The following AGBL4 variants were observed in gnomAD, a reference collection of about 807,000 sequenced individuals.
AGBL4 encodes cytosolic carboxypeptidase 6.
AGBL4 carries 58 observed loss-of-function variants against 66.4 expected under a neutral mutation model. The ratio of observed to expected loss-of-function variants is 0.87; its 90% CI spans 0.71 to 1.09. AGBL4 has a LOEUF of 1.09. AGBL4 is among the 50% of genes least tolerant of loss of function. AGBL4 has a pLI of 0.00. For missense variants in AGBL4, 579 were observed against 631.0 expected, an observed-to-expected ratio of 0.92 and a Z score of 0.88; for synonymous variants, 234 against 222.9, an observed-to-expected ratio of 1.05 and a Z score of -0.44.
intron 4 of AGBL4, among the ~76,000 whole-genome samples, chr1:49,134,682 T>C (rs918420374): frequency 3.9e-5 from 6 of 151,920 alleles, no homozygotes; most frequent in Non-Finnish European, 2.9e-5. Flanking sequence ...CTGTTCTTTT[T>C]TGAAGGTGCC....
intron 2 of AGBL4, among the ~76,000 whole-genome samples, chr1:49,784,584 G>A (rs1347287175): frequency 6.6e-6 from 1 of 151,828 alleles, no homozygotes; most frequent in African/African-American, 2.4e-5. Flanking sequence ...TCATGATCTC[G>A]GATCAGGCAA....
chr1:48,834,600 C>T (rs767660828), intron 6 of AGBL4, among the ~76,000 whole-genome samples: 16 of 152,076 alleles, frequency 1.1e-4, no homozygotes, highest in Non-Finnish European at 2.2e-4. Context: ...ACTGAGGACA[C>T]AGCAAGAAGG....
downstream of AGBL4, among the ~76,000 whole-genome samples, chr1:48,530,020 C>A (rs1165342069): frequency 1.3e-5 from 2 of 151,750 alleles, no homozygotes; most frequent in African/African-American, 4.9e-5. Flanking sequence ...TGCTTCCTTC[C>A]CCTCTCCCTA....
At chr1:49,067,079 G>A (rs963521033) in intron 4 of AGBL4, among the ~76,000 whole-genome samples, 5 of 152,056 alleles carry the variant, frequency 3.3e-5, no homozygotes, top group South Asian at 2.1e-4. Flanking sequence ...TCCTGACCAC[G>A]GTAAGAAGTA....
intron 3 of AGBL4, among the ~76,000 whole-genome samples, chr1:49,575,218 G>C (rs1271126882): frequency 2.6e-5 from 4 of 152,178 alleles, no homozygotes; most frequent in Admixed American, 2.6e-4. Flanking sequence ...TCATCCTCCA[G>C]TTAAAGTAGG....
chr1:49,741,105 C>G (rs1459877711), intron 2 of AGBL4, among the ~76,000 whole-genome samples: 1 of 151,814 alleles, frequency 6.6e-6, no homozygotes, highest in Non-Finnish European at 1.5e-5. Flanking sequence ...AATCAATGAA[C>G]CCAGGAGATG....
At chr1:49,911,326 T>C (rs1187288311) in intron 1 of AGBL4, among the ~76,000 whole-genome samples, 1 of 152,196 alleles carries the variant, frequency 6.6e-6, no homozygotes, top group Non-Finnish European at 1.5e-5. Context: ...GGAAATCTTG[T>C]GAGAAGCACA....
chr1:48,602,859 C>T (rs970062814), intron 9 of AGBL4, among the ~76,000 whole-genome samples: 2 of 152,150 alleles, frequency 1.3e-5, no homozygotes, highest in African/African-American at 4.8e-5. Flanking sequence ...CTTCTGTTCC[C>T]CCTTTCCCAC....
At chr1:48,716,108 CTAAT>C (rs1157179184) in intron 6 of AGBL4, among the ~76,000 whole-genome samples, 2 of 152,176 alleles carry the variant, frequency 1.3e-5, no homozygotes, top group East Asian at 3.8e-4. Context: ...AAAGCAAACT[CTAAT>C]TAGAGACTAC....
chr1:49,337,295 C>A (rs1483625352), intron 3 of AGBL4, among the ~76,000 whole-genome samples: 4 of 152,142 alleles, frequency 2.6e-5, no homozygotes, highest in African/African-American at 9.7e-5. Context: ...CAGAGATCTG[C>A]AGACAGACAG....
intron 4 of AGBL4, among the ~76,000 whole-genome samples, chr1:49,092,408 C>T (rs1645018771): frequency 1.3e-5 from 2 of 152,274 alleles, no homozygotes; most frequent in Middle Eastern, 3.4e-3. Flanking sequence ...TTTATCCAAA[C>T]GTTCTGTTTG....
At chr1:48,762,514 G>T (rs1211281828) in intron 6 of AGBL4, among the ~76,000 whole-genome samples, 2 of 152,076 alleles carry the variant, frequency 1.3e-5, no homozygotes, top group East Asian at 3.9e-4. Context: ...AGTCCTCAAA[G>T]GTTCCCACTG....
chr1:48,837,688 GCA>G lies in AGBL4; in HGVS notation c.634+29501_634+29502del, dbSNP rs1170991829. On this transcript the variant is annotated intron_variant, in intron 6 of 13. Coordinates refer to ENST00000371839, the MANE Select transcript of AGBL4 (RefSeq NM_032785.4). Reference sequence around the variant, plus strand: ...AACACACACACACACACACACACACGCACACACACGCACACACACACACTATA... The same window carrying G: ...AACACACACACACACACACACACACGCACACACGCACACACACACACTATA... Among the ~76,000 whole-genome samples the G allele has an allele frequency of 1.9e-4, 15 of 80,688 alleles. No homozygotes were observed. In the East Asian group the frequency reaches 1.9e-3, roughly 10 times the overall value. The allele number at this position is 80,688 out of a possible 152,430, so 52.9% of individuals were successfully genotyped here.
At chr1:49,571,219 C>T (rs926408434) in intron 3 of AGBL4, among the ~76,000 whole-genome samples, 5 of 151,782 alleles carry the variant, frequency 3.3e-5, no homozygotes, top group African/African-American at 1.2e-4. Flanking sequence ...AGGTACATCA[C>T]CAGAAGATGC....
intron 3 of AGBL4, among the ~76,000 whole-genome samples, chr1:49,606,077 G>A (rs1645058230): frequency 6.6e-6 from 1 of 152,034 alleles, no homozygotes; most frequent in Non-Finnish European, 1.5e-5. Context: ...GGCTATCTTT[G>A]ACACAAGCAG....
intron 1 of AGBL4, among the ~76,000 whole-genome samples, chr1:49,891,454 T>A (rs1648637160): frequency 6.6e-6 from 1 of 152,136 alleles, no homozygotes; most frequent in African/African-American, 2.4e-5. Context: ...GCTAGTGGCA[T>A]CTAGATGGTA....
chr1:49,418,978 G>A (rs1645485683), intron 3 of AGBL4, among the ~76,000 whole-genome samples: 1 of 152,122 alleles, frequency 6.6e-6, no homozygotes. Context: ...GGAAATATAA[G>A]TTAGAAGACT....
chr1:48,887,828 A>G (rs930915913), intron 5 of AGBL4, among the ~76,000 whole-genome samples: 10 of 152,150 alleles, frequency 6.6e-5, no homozygotes, highest in African/African-American at 2.4e-4. Flanking sequence ...AATCACCAGT[A>G]TCTGTAACTG....
At chr1:49,128,138 A>C (rs1198748628) in intron 4 of AGBL4, among the ~76,000 whole-genome samples, 1 of 152,036 alleles carries the variant, frequency 6.6e-6, no homozygotes, top group Non-Finnish European at 1.5e-5. Flanking sequence ...GAATCAAATG[A>C]AATTTCTAGA....
Sources: allele counts gnomAD v4.1 joint callset (sites outside exome capture counted in the v4.1 genomes callset), GRCh38; gene constraint gnomAD v4.1.1; transcripts MANE v1.5; gene names NCBI Gene and HGNC (gene_info 2026-07-23, HGNC 2026-07-21).